LSAMP: variants seen among roughly 807,000 people sequenced by gnomAD.
LSAMP encodes the protein limbic system-associated membrane protein.
Under a neutral mutation model 38.6 loss-of-function variants are expected in LSAMP, and 7 were observed. The observed-to-expected ratio is 0.18, with a 90% confidence interval of 0.10 to 0.34. The LOEUF is 0.34. Ranked by LOEUF, LSAMP falls within the 10% of genes least tolerant of loss-of-function variation. The pLI is 1.00. For synonymous variants in LSAMP, 154 were observed against 166.8 expected (o/e 0.92, Z 0.59); for missense variants, 313 against 420.0 (o/e 0.75, Z 2.23).
intron 6 of LSAMP, among the ~76,000 whole-genome samples, chr3:115,839,262 T>TTTCCTTCCTTCCTTCCTTCCTTCCTTCC (rs1192339424): frequency 3.8e-5 from 3 of 78,688 alleles, no homozygotes; most frequent in Non-Finnish European, 7.3e-5. Context: ...TCCTTCTTTC[T>TTTCCTTCCTTCCTTCCTTCCTTCCTTCC]TTCCTTCCTT....
chr3:116,019,870 T>C (rs1301629290), intron 2 of LSAMP, among the ~76,000 whole-genome samples: 1 of 152,204 alleles, frequency 6.6e-6, no homozygotes, highest in Non-Finnish European at 1.5e-5. Flanking sequence ...CTGAGTGCTG[T>C]AGGAAATACA....
chr3:116,306,040 T>C (rs2047481318), intron 1 of LSAMP, among the ~76,000 whole-genome samples: 1 of 151,948 alleles, frequency 6.6e-6, no homozygotes, highest in African/African-American at 2.4e-5. Flanking sequence ...TAATATCTCC[T>C]ATAGCATAGT....
At chr3:116,010,434 G>A (rs998185230) in intron 3 of LSAMP, among the ~76,000 whole-genome samples, 5 of 152,140 alleles carry the variant, frequency 3.3e-5, no homozygotes, top group African/African-American at 1.2e-4. Flanking sequence ...ACTACAATGG[G>A]AACTAAGGAC....
chr3:116,249,178 A>G (rs2046646072), intron 1 of LSAMP, among the ~76,000 whole-genome samples: 1 of 151,844 alleles, frequency 6.6e-6, no homozygotes, highest in Non-Finnish European at 1.5e-5. Context: ...AAACTTAAAC[A>G]ACACTTTTGA....
At chr3:116,002,681 C>T (rs1328382753) in intron 3 of LSAMP, among the ~76,000 whole-genome samples, 1 of 152,112 alleles carries the variant, frequency 6.6e-6, no homozygotes, top group Non-Finnish European at 1.5e-5. Context: ...AAAGTACATG[C>T]AAATGGAACC....
At chr3:116,387,086 A>G (rs1418083369) in intron 1 of LSAMP, among the ~76,000 whole-genome samples, 1 of 152,188 alleles carries the variant, frequency 6.6e-6, no homozygotes, top group Admixed American at 6.5e-5. Flanking sequence ...CATGGATATC[A>G]GCCTAAGAAG....
At chr3:115,981,105 G>A (rs1463122098) in intron 3 of LSAMP, among the ~76,000 whole-genome samples, 1 of 152,110 alleles carries the variant, frequency 6.6e-6, no homozygotes. Context: ...CATTCATGGT[G>A]TGAAATGAAT....
At chr3:116,031,902 G>A (rs552617326) in intron 2 of LSAMP, among the ~76,000 whole-genome samples, 94 of 151,982 alleles carry the variant, frequency 6.2e-4, no homozygotes, top group African/African-American at 1.6e-3. Flanking sequence ...ATACATTCAC[G>A]TCAATTTTAA....
intron 3 of LSAMP, among the ~76,000 whole-genome samples, chr3:115,926,320 A>G (rs1225870331): frequency 1.3e-5 from 2 of 152,226 alleles, no homozygotes; most frequent in Non-Finnish European, 2.9e-5. Context: ...AAATACCTGA[A>G]AGACTGCCAC....
intron 6 of LSAMP, among the ~76,000 whole-genome samples, chr3:115,811,281 T>G (rs770812679): frequency 8.6e-5 from 13 of 152,022 alleles, no homozygotes; most frequent in Admixed American, 2.6e-4. Flanking sequence ...GATAGGAAGC[T>G]GGAGAAGGGG....
At chr3:115,854,285 T>TTTTTTA in intron 3 of LSAMP, among the ~76,000 whole-genome samples, 1 of 92,118 alleles carries the variant, frequency 1.1e-5, no homozygotes, top group South Asian at 3.3e-4. Context: ...TATTATTATT[T>TTTTTTA]TTTTTTTTTT....
chr3:115,834,594 C>A, intron 6 of LSAMP: 2 of 1,253,656 alleles, frequency 1.6e-6, no homozygotes, highest in Non-Finnish European at 1.0e-6. Flanking sequence ...GGGTAAAACA[C>A]GTTCTAAAGG....
chr3:116,168,065 A>G (rs1710103832), intron 1 of LSAMP, among the ~76,000 whole-genome samples: 1 of 152,250 alleles, frequency 6.6e-6, no homozygotes, highest in African/African-American at 2.4e-5. Context: ...AAGCAGAACT[A>G]TCCATCTTAA....
At chr3:115,936,590 G>T (rs1937709351) in intron 3 of LSAMP, among the ~76,000 whole-genome samples, 1 of 152,166 alleles carries the variant, frequency 6.6e-6, no homozygotes, top group East Asian at 1.9e-4. Context: ...CACTATTCCT[G>T]AGTTAAGGAG....
chr3:116,016,928 A>G lies in LSAMP; in HGVS notation c.514+2587T>C, dbSNP rs547004412. On this transcript the variant is annotated intron_variant, in intron 3 of 6. Coordinates refer to ENST00000490035, the MANE Select transcript of LSAMP (RefSeq NM_002338.5). ...GGTTTGCTGACCTCTGTTACTGACT[A>G]TTGAGAATCCCTGTGAGTGTATCTA... Among the ~76,000 whole-genome samples, 3 of 152,256 alleles carry G rather than the reference A, an allele frequency of 2.0e-5. No individual in the cohort carries two copies. In the East Asian group the frequency reaches 5.8e-4, roughly 29 times the overall value.
intron 1 of LSAMP, among the ~76,000 whole-genome samples, chr3:116,236,499 C>T (rs1039536372): frequency 1.3e-5 from 2 of 152,084 alleles, no homozygotes; most frequent in Admixed American, 6.6e-5. Context: ...TTGATTTTCA[C>T]TCACTATTGG....
chr3:116,402,937 C>A (rs1221573642), intron 1 of LSAMP, among the ~76,000 whole-genome samples: 1 of 152,090 alleles, frequency 6.6e-6, no homozygotes, highest in Non-Finnish European at 1.5e-5. Context: ...GAATGCTCCT[C>A]TGGAATCCAC....
chr3:116,407,097 TA>T lies in LSAMP; in HGVS notation c.155+37779del, dbSNP rs956701695. Among the ~76,000 whole-genome samples, 24 of 151,872 alleles carry T rather than the reference TA, an allele frequency of 1.6e-4. No homozygotes were observed. In the South Asian group the frequency reaches 1.9e-3, roughly 12 times the overall value. ...ATTTCAAGTTCTTTAAGAAGACTGATAAAAAAAATAGCCAAGCATATCTGTC... is the reference window on the plus strand; with the variant it reads ...ATTTCAAGTTCTTTAAGAAGACTGATAAAAAAATAGCCAAGCATATCTGTC... On this transcript the variant is annotated intron_variant, in intron 1 of 6. Coordinates refer to ENST00000490035, the MANE Select transcript of LSAMP (RefSeq NM_002338.5).
chr3:115,987,052 T>G (rs1476089905), intron 3 of LSAMP, among the ~76,000 whole-genome samples: 1 of 152,174 alleles, frequency 6.6e-6, no homozygotes, highest in Non-Finnish European at 1.5e-5. Flanking sequence ...TTACTGGGTT[T>G]TCTCCCTTAG....
Sources: gnomAD v4.1 joint callset for allele counts (sites outside exome capture counted in the v4.1 genomes callset) on GRCh38, gnomAD v4.1.1 for gene constraint, MANE v1.5 for transcripts, NCBI Gene and HGNC (gene_info 2026-07-23, HGNC 2026-07-21) for gene names.